Variants in GRM5 observed in about 807,000 individuals in gnomAD.
GRM5 encodes metabotropic glutamate receptor 5.
GRM5 carries 19 observed loss-of-function variants against 83.1 expected under a neutral mutation model. That is an observed-to-expected ratio of 0.23 (90% CI 0.16 to 0.34). The LOEUF (loss-of-function observed/expected upper bound fraction) is 0.34. GRM5 is among the 10% of genes least tolerant of loss of function. The probability of loss-of-function intolerance (pLI) is 1.00; values close to 1 mark genes in which losing one functional copy is unlikely to be tolerated. For missense variants in GRM5, 1,160 were observed against 1,588.3 expected, an observed-to-expected ratio of 0.73 and a Z score of 4.58; for synonymous variants, 675 against 633.6, an observed-to-expected ratio of 1.07 and a Z score of -0.98.
At chr11:88,781,275 T>C (rs1345106831) in intron 3 of GRM5, among the ~76,000 whole-genome samples, 2 of 151,992 alleles carry the variant, frequency 1.3e-5, no homozygotes, top group African/African-American at 4.8e-5. Context: ...ATGTATGTGA[T>C]TATCATAACT....
intron 2 of GRM5, among the ~76,000 whole-genome samples, chr11:89,029,741 C>T (rs1286803943): frequency 3.9e-5 from 6 of 152,056 alleles, no homozygotes; most frequent in African/African-American, 1.4e-4. Flanking sequence ...TTTTTATTTC[C>T]TAAATGCCTT....
At chr11:89,023,794 G>A (rs574825043) in intron 2 of GRM5, among the ~76,000 whole-genome samples, 1 of 151,810 alleles carries the variant, frequency 6.6e-6, no homozygotes, top group African/African-American at 2.4e-5. Context: ...AGGTTGCAGT[G>A]AGCCAAGATC....
At chr11:88,740,843 A>C (rs1942013373) in intron 3 of GRM5, among the ~76,000 whole-genome samples, 1 of 152,058 alleles carries the variant, frequency 6.6e-6, no homozygotes, top group South Asian at 2.1e-4. Context: ...TGCTTCCAAG[A>C]GTAAAGGATT....
chr11:88,685,753 G>A (rs561467082), intron 3 of GRM5, among the ~76,000 whole-genome samples: 20 of 152,330 alleles, frequency 1.3e-4, no homozygotes, highest in East Asian at 1.9e-4. Flanking sequence ...CAGAGGGTGC[G>A]ACCCCCAAGT....
chr11:88,581,037 G>A (rs1943205190), intron 7 of GRM5, among the ~76,000 whole-genome samples: 1 of 152,124 alleles, frequency 6.6e-6, no homozygotes, highest in African/African-American at 2.4e-5. Context: ...GAACCCGGGA[G>A]GCGGAGGTTG....
intron 2 of GRM5, among the ~76,000 whole-genome samples, chr11:88,862,206 C>A (rs1944577428): frequency 6.6e-6 from 1 of 152,126 alleles, no homozygotes; most frequent in Non-Finnish European, 1.5e-5. Context: ...TTTGATTTAT[C>A]ACTTACATGG....
intron 2 of GRM5, among the ~76,000 whole-genome samples, chr11:88,887,168 A>G (rs1207556903): frequency 6.6e-6 from 1 of 152,212 alleles, no homozygotes; most frequent in Non-Finnish European, 1.5e-5. Context: ...GTCTTCTGGA[A>G]CCAAATGTTA....
At chr11:88,927,749 A>G (rs1945814618) in intron 2 of GRM5, among the ~76,000 whole-genome samples, 1 of 152,042 alleles carries the variant, frequency 6.6e-6, no homozygotes. Context: ...TTAAGTTTCT[A>G]TTTTCTCTTG....
At chr11:88,657,603 A>G (rs1157551853) in intron 3 of GRM5, among the ~76,000 whole-genome samples, 1 of 152,036 alleles carries the variant, frequency 6.6e-6, no homozygotes, top group Non-Finnish European at 1.5e-5. Flanking sequence ...TTTCTCTACA[A>G]TCTACTCTTC....
At chr11:89,059,127 A>T (rs1437991951) in intron 1 of GRM5, among the ~76,000 whole-genome samples, 1 of 152,136 alleles carries the variant, frequency 6.6e-6, no homozygotes, top group Non-Finnish European at 1.5e-5. Context: ...GAACATTTAT[A>T]CTCAAAATTT....
chr11:88,811,943 C>A (rs1358868333), intron 3 of GRM5, among the ~76,000 whole-genome samples: 2 of 152,038 alleles, frequency 1.3e-5, no homozygotes, highest in Non-Finnish European at 1.5e-5. Flanking sequence ...CTTTTCTCTG[C>A]AGCGTAGAGG....
intron 3 of GRM5, among the ~76,000 whole-genome samples, chr11:88,761,926 T>C (rs1271073312): frequency 2.6e-5 from 4 of 151,834 alleles, no homozygotes; most frequent in Non-Finnish European, 5.9e-5. Flanking sequence ...TTGAGAAAGC[T>C]GAAAAAAAGT....
At chr11:88,768,566 T>C (rs981239243) in intron 3 of GRM5, among the ~76,000 whole-genome samples, 1 of 151,878 alleles carries the variant, frequency 6.6e-6, no homozygotes, top group South Asian at 2.1e-4. Context: ...CAGTGAACCA[T>C]ACACTTAACA....
intron 8 of GRM5, among the ~76,000 whole-genome samples, chr11:88,552,486 C>T (rs907918770): frequency 4.6e-5 from 7 of 152,168 alleles, no homozygotes; most frequent in African/African-American, 1.7e-4. Context: ...TTTGTCTCTG[C>T]TGCTTACATT....
At chr11:88,945,129 T>C (rs375374123) in intron 2 of GRM5, among the ~76,000 whole-genome samples, 3 of 148,912 alleles carry the variant, frequency 2.0e-5, no homozygotes, top group Non-Finnish European at 3.0e-5. Flanking sequence ...CACACACACA[T>C]ACACACACAC....
At chr11:89,025,954 T>C (rs1205523796) in intron 2 of GRM5, among the ~76,000 whole-genome samples, 2 of 152,044 alleles carry the variant, frequency 1.3e-5, no homozygotes, top group Non-Finnish European at 2.9e-5. Context: ...AACTGTGGAG[T>C]AGATTTAAAA....
At chr11:89,000,297 G>C (rs1416511345) in intron 2 of GRM5, among the ~76,000 whole-genome samples, 2 of 152,052 alleles carry the variant, frequency 1.3e-5, no homozygotes, top group African/African-American at 4.8e-5. Flanking sequence ...AAATAAGTCA[G>C]TCTCCCTGGT....
intron 3 of GRM5, among the ~76,000 whole-genome samples, chr11:88,664,791 G>A (rs1939998253): frequency 6.6e-6 from 1 of 151,892 alleles, no homozygotes; most frequent in South Asian, 2.1e-4. Context: ...GTAATTTAGG[G>A]ATTATTTAAA....
chr11:89,042,270 G>GGA (rs1355598872), intron 2 of GRM5, among the ~76,000 whole-genome samples: 1 of 152,042 alleles, frequency 6.6e-6, no homozygotes, highest in African/African-American at 2.4e-5. Flanking sequence ...TGAGATAAAG[G>GGA]GAGAGTGAAT....
Sources: gnomAD v4.1 joint callset for allele counts (sites outside exome capture counted in the v4.1 genomes callset) on GRCh38, gnomAD v4.1.1 for gene constraint, MANE v1.5 for transcripts, NCBI Gene and HGNC (gene_info 2026-07-23, HGNC 2026-07-21) for gene names.